The following DPP6 variants were observed in gnomAD, a reference collection of about 807,000 sequenced individuals.
DPP6 encodes A-type potassium channel modulatory protein DPP6.
DPP6 carries 69 observed loss-of-function variants against 122.6 expected under a neutral mutation model. The observed-to-expected ratio is 0.56, with a 90% CI of 0.46 to 0.69. The LOEUF (loss-of-function observed/expected upper bound fraction) is 0.69. Among genes scored for constraint, DPP6 ranks in the 30% least tolerant of loss-of-function variants. The pLI is 0.00. For missense variants in DPP6, 928 were observed against 1,116.9 expected (o/e 0.83, Z 2.41); for synonymous variants, 418 against 433.1 (o/e 0.97, Z 0.43).
At chr7:154,204,783 T>TTGTGTGTG (rs71182884) in intron 1 of DPP6, among the ~76,000 whole-genome samples, 2,451 of 150,958 alleles carry the variant, frequency 0.016, 18 homozygotes, top group African/African-American at 0.02. Flanking sequence ...CTTGATGACC[T>TTGTGTGTG]TGTGTGTGTG....
chr7:154,729,109 G>C (rs539110153), intron 8 of DPP6, among the ~76,000 whole-genome samples: 2 of 152,208 alleles, frequency 1.3e-5, no homozygotes, highest in Non-Finnish European at 2.9e-5. Context: ...GGGGAAAGGC[G>C]TTGTCCAAGC....
intron 5 of DPP6, among the ~76,000 whole-genome samples, chr7:154,611,354 C>G (rs1023212256): frequency 6.6e-6 from 1 of 152,114 alleles, no homozygotes; most frequent in Admixed American, 6.5e-5. Flanking sequence ...CATTTTATAT[C>G]TAGTGCTGAG....
intron 1 of DPP6, among the ~76,000 whole-genome samples, chr7:153,961,742 G>A (rs1403709444): frequency 1.4e-5 from 2 of 141,032 alleles, no homozygotes; most frequent in Admixed American, 1.5e-4. Context: ...ATCTGGGGAT[G>A]ATGGGAGACA....
the DPP6 span, among the ~76,000 whole-genome samples, chr7:153,762,199 T>C: frequency 6.6e-6 from 1 of 152,220 alleles, no homozygotes; most frequent in Non-Finnish European, 1.5e-5. Flanking sequence ...TAATTTGTAT[T>C]TGTAACCACG....
Position 154,873,555 on chromosome 7 carries a change from G to C in DPP6, c.1883+862G>C, listed in dbSNP as rs565792853. 5.9e-5 allele frequency among the ~76,000 whole-genome samples: 9 copies of C among 152,276 alleles called. No individual in the cohort carries two copies. The East Asian group carries it at 1.7e-3, about 29-fold the overall frequency. ...CCTGATGGAGCTCTGATTAACCCTG[G>C]TGTCTTGCCCTGCTCCCTTCCTGAG... is the stretch of plus-strand genomic sequence containing the variant. On this transcript the variant is annotated intron_variant, in intron 19 of 25. Coordinates refer to ENST00000377770, the MANE Select transcript of DPP6 (RefSeq NM_130797.4).
At chr7:154,299,833 G>T (rs1343342230) in intron 1 of DPP6, among the ~76,000 whole-genome samples, 1 of 152,230 alleles carries the variant, frequency 6.6e-6, no homozygotes, top group Non-Finnish European at 1.5e-5. Flanking sequence ...GCAGCTGATT[G>T]TCTACTTAGG....
the DPP6 span, among the ~76,000 whole-genome samples, chr7:153,783,795 C>T: frequency 6.6e-6 from 1 of 152,188 alleles, no homozygotes; most frequent in South Asian, 2.1e-4. Context: ...CAACTGCACA[C>T]ATAAGCACCA....
At chr7:154,800,193 A>G (rs762348725) in intron 12 of DPP6, among the ~76,000 whole-genome samples, 22 of 152,208 alleles carry the variant, frequency 1.4e-4, no homozygotes, top group South Asian at 4.1e-4. Flanking sequence ...TCTAAATAGG[A>G]AAATAAATGT....
chr7:154,116,529 C>T (rs1453096340), intron 1 of DPP6, among the ~76,000 whole-genome samples: 2 of 152,140 alleles, frequency 1.3e-5, no homozygotes, highest in Non-Finnish European at 2.9e-5. Flanking sequence ...TTTACTTTCC[C>T]CAATAAAACA....
At chr7:153,807,665 T>A in the DPP6 span, among the ~76,000 whole-genome samples, 1 of 151,942 alleles carries the variant, frequency 6.6e-6, no homozygotes, top group East Asian at 1.9e-4. Flanking sequence ...GATGAATTAT[T>A]CCTTAAATGC....
chr7:154,472,231 T>C (rs562134897), intron 2 of DPP6, among the ~76,000 whole-genome samples: 9 of 152,310 alleles, frequency 5.9e-5, no homozygotes, highest in African/African-American at 2.2e-4. Flanking sequence ...CAAGTGGACA[T>C]TTTTTCTAAT....
At chr7:153,880,719 G>A in the DPP6 span, among the ~76,000 whole-genome samples, 1 of 152,158 alleles carries the variant, frequency 6.6e-6, no homozygotes, top group East Asian at 1.9e-4. Context: ...GACACACTGA[G>A]CTGGATACCT....
At position 154,033,626 on chromosome 7, in the gene DPP6, T is replaced by G. The variant is rs374193616; in HGVS notation, c.51+145892T>G. Among the ~76,000 whole-genome samples, 41 of 152,362 alleles carry G rather than the reference T, an allele frequency of 2.7e-4. No individual in the cohort carries two copies. The South Asian group carries it at 8.5e-3, about 32-fold the overall frequency. ...ACCTTGTATCTAGAGTCCCTTCGTC[T>G]CTGTCTTTGATGCAGTGATATTTCT... is the stretch of plus-strand genomic sequence containing the variant. On this transcript the variant is annotated intron_variant, in intron 1 of 25. Transcript: ENST00000404039.
At position 154,605,953 on chromosome 7, in the gene DPP6, G is replaced by A. The variant is rs182767947; in HGVS notation, c.628-31868G>A. Among the ~76,000 whole-genome samples, 461 of 118,466 alleles carry A rather than the reference G, an allele frequency of 3.9e-3. 68 individuals are homozygous for A. Among genetic ancestry groups the A allele is most frequent in the African/African-American group, 0.012 (448 of 37,520 alleles). The allele number at this position is 118,466 out of a possible 152,430, so 77.7% of individuals were successfully genotyped here. Reference sequence around the variant, plus strand: ...TTTACTCATGTGTTATTTTGTTTCCGAATATATGCTTTATTTACCCTTTTC... The same window carrying A: ...TTTACTCATGTGTTATTTTGTTTCCAAATATATGCTTTATTTACCCTTTTC... On this transcript the variant is annotated intron_variant, in intron 5 of 25. Transcript: ENST00000377770.
At chr7:154,463,184 C>A (rs1821444776) in intron 2 of DPP6, among the ~76,000 whole-genome samples, 2 of 137,780 alleles carry the variant, frequency 1.5e-5, no homozygotes, top group South Asian at 2.5e-4. Flanking sequence ...TTTACCTTTA[C>A]TTCTCCTTTT....
rs567108541 is a variant in DPP6, at chr7:154,255,401, G to C, written c.244-190813G>C. Among the ~76,000 whole-genome samples, 7 of 152,364 alleles carry C rather than the reference G, an allele frequency of 4.6e-5. No individual in the cohort carries two copies. The East Asian group carries it at 1.3e-3, about 29-fold the overall frequency. Reference sequence around the variant, plus strand: ...GCAGGCTTAGATGAATTACACTCCAGCAGTGTGGAGAGGAAGCGCCAGTGA... The same window carrying C: ...GCAGGCTTAGATGAATTACACTCCACCAGTGTGGAGAGGAAGCGCCAGTGA... On this transcript the variant is annotated intron_variant, in intron 1 of 25. Transcript: ENST00000377770.
At chr7:154,247,715 G>A (rs995035815) in intron 1 of DPP6, among the ~76,000 whole-genome samples, 8 of 152,232 alleles carry the variant, frequency 5.3e-5, no homozygotes, top group Non-Finnish European at 1.2e-4. Flanking sequence ...CTAAAGCCCA[G>A]TATATAGTGC....
intron 16 of DPP6, among the ~76,000 whole-genome samples, chr7:154,807,776 C>T (rs536783338): frequency 1.3e-5 from 2 of 152,026 alleles, no homozygotes; most frequent in East Asian, 1.9e-4. Context: ...GAGCTGAGAT[C>T]GCACCACTAC....
chr7:153,754,790 TG>T, the DPP6 span, among the ~76,000 whole-genome samples: 1 of 152,198 alleles, frequency 6.6e-6, no homozygotes, highest in Admixed American at 6.5e-5. Flanking sequence ...GTCTCTCCTC[TG>T]TGTTCTGCAT....
Sources: allele counts gnomAD v4.1 joint callset (sites outside exome capture counted in the v4.1 genomes callset), GRCh38; gene constraint gnomAD v4.1.1; transcripts MANE v1.5; gene names NCBI Gene and HGNC (gene_info 2026-07-23, HGNC 2026-07-21).